The following FRYL variants were observed in gnomAD, a reference collection of about 807,000 sequenced individuals.
FRYL encodes protein furry homolog-like.
A neutral mutation model predicts 351.2 loss-of-function variants in FRYL; 150 were observed. That is an observed-to-expected ratio of 0.43 (90% CI 0.37 to 0.49). The LOEUF (loss-of-function observed/expected upper bound fraction) is 0.49. Ranked by LOEUF, FRYL falls within the 20% of genes least tolerant of loss-of-function variation. The pLI, the probability that FRYL is intolerant of heterozygous loss-of-function variation, is 0.00. For synonymous variants in FRYL, 1,153 were observed against 1,257.1 expected (o/e 0.92, Z 1.75); for missense variants, 3,036 against 3,619.3 (o/e 0.84, Z 4.13).
chr4:48,738,373 G>A (rs1188777303), intron 1 of FRYL, among the ~76,000 whole-genome samples: 2 of 152,002 alleles, frequency 1.3e-5, no homozygotes, highest in African/African-American at 2.4e-5. Context: ...GAAACACTTA[G>A]GTATAAACCT....
intron 53 of FRYL, among the ~76,000 whole-genome samples, chr4:48,526,587 A>G (rs1726280401): frequency 6.6e-6 from 1 of 152,182 alleles, no homozygotes; most frequent in Admixed American, 6.6e-5. Context: ...TGGGGCTAAG[A>G]TTACCCAGCA....
At chr4:48,672,666 G>A (rs1347729832) in intron 3 of FRYL, among the ~76,000 whole-genome samples, 6 of 152,116 alleles carry the variant, frequency 3.9e-5, no homozygotes, top group Non-Finnish European at 4.4e-5. Flanking sequence ...GTGCTGCCCA[G>A]CAACCTTTTT....
intron 53 of FRYL, among the ~76,000 whole-genome samples, chr4:48,525,523 G>C (rs1026899782): frequency 2.6e-5 from 4 of 152,204 alleles, no homozygotes; most frequent in African/African-American, 7.2e-5. Context: ...TGATACGGGA[G>C]AGTGCATTAC....
chr4:48,754,497 T>C (rs1259673517), intron 1 of FRYL, among the ~76,000 whole-genome samples: 1 of 152,132 alleles, frequency 6.6e-6, no homozygotes, highest in Non-Finnish European at 1.5e-5. Flanking sequence ...TCTGGGAGTA[T>C]ATACCTAGGG....
Position 48,546,251 on chromosome 4 carries a change from G to T in FRYL, c.5095C>A (p.Pro1699Thr). 6.2e-7 allele frequency: 1 copy of T among 1,613,406 alleles called. No individual in the cohort carries two copies. Among genetic ancestry groups the T allele is most frequent in the Non-Finnish European group, 8.5e-7 (1 of 1,179,534 alleles). The change falls in exon 42 of 64, where the codon CCT becomes ACT. Residue 1699 changes from proline (P) to threonine (T), a missense_variant. Coordinates refer to ENST00000358350, the MANE Select transcript of FRYL (RefSeq NM_015030.2). Reference protein sequence around the residue: ...NFTAGINDFIPDYQPSPMTDS... With the variant: ...NFTAGINDFITDYQPSPMTDS... ...GTCATAGGGGAGGGCTGGTAATCAG[G>T]TATAAAATCGTTAATGCCTGCTGAA...
chr4:48,618,309 C>G (rs1417760040), intron 7 of FRYL: 1 of 151,950 alleles, frequency 6.6e-6, no homozygotes, highest in Non-Finnish European at 1.5e-5. Flanking sequence ...TTTCATATTC[C>G]TTGTAAAAAT....
intron 28 of FRYL, among the ~76,000 whole-genome samples, chr4:48,566,622 C>CTAAAG (rs1736854580): frequency 6.6e-6 from 1 of 152,104 alleles, no homozygotes; most frequent in South Asian, 2.1e-4. Flanking sequence ...CTTTAGGTAT[C>CTAAAG]CACTGTCTGT....
chr4:48,586,023 C>G (rs1392173540), intron 19 of FRYL, among the ~76,000 whole-genome samples: 2 of 152,170 alleles, frequency 1.3e-5, no homozygotes, highest in African/African-American at 2.4e-5. Context: ...GTGCTGATCC[C>G]TTATCTAGGG....
At chr4:48,535,634 G>C in intron 48 of FRYL, 23 bp downstream of exon 48, 1 of 1,458,252 alleles carries the variant, frequency 6.9e-7, no homozygotes, top group Non-Finnish European at 9.3e-7. Flanking sequence ...TAGTAAATAA[G>C]AAAATATTTT....
intron 1 of FRYL, among the ~76,000 whole-genome samples, chr4:48,776,087 A>T (rs1225678430): frequency 2.6e-5 from 4 of 151,356 alleles, no homozygotes; most frequent in Non-Finnish European, 5.9e-5. Flanking sequence ...AAAACCTGAA[A>T]GAATAAACAA....
In FRYL at chr4:48,602,244, C is replaced by A; in HGVS notation, c.934-123G>T. On this transcript the variant is annotated intron_variant, in intron 12 of 63. Coordinates refer to ENST00000358350, the MANE Select transcript of FRYL (RefSeq NM_015030.2). ...AAATCTTTTAAGCAGTTTTCCAATT[C>A]GTAATAAGAAATATAATCTCATAGA... The A allele has an allele frequency of 5.0e-6, 3 of 597,992 alleles. No homozygotes were observed. In the East Asian group the frequency reaches 9.7e-5, roughly 19 times the overall value. The allele number at this position is 597,992 out of a possible 1,614,324, so 37.0% of individuals were successfully genotyped here. A position where few individuals can be genotyped will look rare whatever the true frequency, so the allele number is the denominator to read the frequency against.
At chr4:48,760,459 T>C (rs2354315) in intron 1 of FRYL, among the ~76,000 whole-genome samples, 147,997 of 152,296 alleles carry the variant, frequency 0.97, 72,066 homozygotes, top group East Asian at 1. Context: ...GGGTTGTCTA[T>C]ACACATTATT....
intron 33 of FRYL, among the ~76,000 whole-genome samples, chr4:48,558,181 A>G (rs1345410173): frequency 1.3e-5 from 2 of 152,252 alleles, no homozygotes; most frequent in African/African-American, 4.8e-5. Context: ...GTCCATTGAC[A>G]GATGAATGAA....
chr4:48,680,904 T>C lies in FRYL; in HGVS notation c.-81+3769A>G, dbSNP rs533477628. Reference sequence around the variant, plus strand: ...TTTCCTAAAATACTTTTTTAAAGGATGCAAAGAAATACGTTTTTACTTTAC... The same window carrying C: ...TTTCCTAAAATACTTTTTTAAAGGACGCAAAGAAATACGTTTTTACTTTAC... On this transcript the variant is annotated intron_variant, in intron 3 of 63. Coordinates refer to ENST00000358350, the MANE Select transcript of FRYL (RefSeq NM_015030.2). The C allele has an allele frequency of 9.1e-5, 87 of 959,778 alleles. No homozygotes were observed. In the East Asian group the frequency reaches 1.8e-3, roughly 20 times the overall value. The allele number at this position is 959,778 out of a possible 1,614,324, so 59.5% of individuals were successfully genotyped here.
At chr4:48,619,128 G>A (rs1336951054) in intron 7 of FRYL, 146 bp downstream of exon 7, 2 of 604,946 alleles carry the variant, frequency 3.3e-6, no homozygotes, top group Non-Finnish European at 5.8e-6. Flanking sequence ...AAAGCCCCAG[G>A]CAACTGAAAG....
At chr4:48,724,581 G>A (rs922201078) in intron 1 of FRYL, among the ~76,000 whole-genome samples, 1 of 152,164 alleles carries the variant, frequency 6.6e-6, no homozygotes, top group Admixed American at 6.5e-5. Flanking sequence ...TGGGTGCGGG[G>A]GGGCTGTCTT....
Position 48,713,222 on chromosome 4 carries a change from C to A in FRYL, c.-383-2524G>T, listed in dbSNP as rs914795095. On this transcript the variant is annotated intron_variant, in intron 1 of 63. Coordinates refer to ENST00000358350, the MANE Select transcript of FRYL (RefSeq NM_015030.2). ...TCATAATGACAGGATCAAATTCACA[C>A]ATAACACTATTAACTTTATTTGTTA... 2.6e-5 allele frequency among the ~76,000 whole-genome samples: 4 copies of A among 151,866 alleles called. 1 individual carries two copies. The highest frequency in any genetic ancestry group is 1.3e-4 in the Admixed American group (2 of 15,256).
At chr4:48,545,359 G>C (rs1731107010) in intron 42 of FRYL, among the ~76,000 whole-genome samples, 2 of 152,110 alleles carry the variant, frequency 1.3e-5, no homozygotes, top group South Asian at 4.1e-4. Flanking sequence ...CACCACCTCA[G>C]TTAAGCTCTT....
chr4:48,671,858 C>CAAAAAAAAAAAAAAAA (rs1226492542), intron 3 of FRYL, among the ~76,000 whole-genome samples: 9 of 22,394 alleles, frequency 4.0e-4, no homozygotes, highest in Non-Finnish European at 8.0e-4. Context: ...GTCTCAAAAA[C>CAAAAAAAAAAAAAAAA]AAAAAAAAAA....
Sources: allele counts gnomAD v4.1 joint callset (sites outside exome capture counted in the v4.1 genomes callset), GRCh38; gene constraint gnomAD v4.1.1; transcripts MANE v1.5; gene names NCBI Gene and HGNC (gene_info 2026-07-23, HGNC 2026-07-21).